CNTNAP3: variants seen among roughly 807,000 people sequenced by gnomAD.
CNTNAP3 encodes the protein contactin-associated protein-like 3.
CNTNAP3 carries 36 observed loss-of-function variants against 92.1 expected under a neutral mutation model. The ratio of observed to expected loss-of-function variants is 0.39; its 90% CI spans 0.30 to 0.52. The LOEUF is 0.52. Among genes scored for constraint, CNTNAP3 ranks in the 20% least tolerant of loss-of-function variants. The pLI, the probability that CNTNAP3 is intolerant of heterozygous loss-of-function variation, is 0.76. For missense variants in CNTNAP3, 534 were observed against 1,069.6 expected (o/e 0.50, Z 6.98); for synonymous variants, 232 against 422.3 (o/e 0.55, Z 5.53).
rs1564065478 is a variant in CNTNAP3 at position 39,073,601 on chromosome 9, C to CG, written c.*288dup. ...GCAGTTTTGGAAGAGAGCCTTTGGACGGGGAAACTACTGAACAGTGATGAA... is the reference window on the plus strand; with the variant it reads ...GCAGTTTTGGAAGAGAGCCTTTGGACGGGGGAAACTACTGAACAGTGATGAA... On this transcript the variant is annotated 3_prime_UTR_variant, in exon 24 of 24. Transcript: ENST00000297668. 1.7e-6 allele frequency: 1 copy of CG among 592,308 alleles called. No homozygotes were observed. Among genetic ancestry groups the CG allele is most frequent in the African/African-American group, 1.9e-5 (1 of 53,744 alleles). The allele number at this position is 592,308 out of a possible 1,614,324, so 36.7% of individuals were successfully genotyped here.
At chr9:39,108,656 G>C (rs1826665861) in intron 15 of CNTNAP3, among the ~76,000 whole-genome samples, 1 of 152,154 alleles carries the variant, frequency 6.6e-6, no homozygotes, top group South Asian at 2.1e-4. Flanking sequence ...GGCTTATAGT[G>C]CCACTGAGGT....
In CNTNAP3 at chr9:39,087,659, T is replaced by C. The variant is rs1449363602; in HGVS notation, c.3220+764A>G. Among the ~76,000 whole-genome samples, 3 of 152,142 alleles carry C rather than the reference T, an allele frequency of 2.0e-5. 1 individual carries two copies. Among genetic ancestry groups the C allele is most frequent in the African/African-American group, 7.2e-5 (3 of 41,436 alleles). ...CCACCACCATGCCCGGCTCATTTTT[T>C]GTATTTTTAGTAGAGATGGGGTTTC... is the stretch of plus-strand genomic sequence containing the variant. On this transcript the variant is annotated intron_variant, in intron 19 of 23. Transcript: ENST00000297668.
chr9:39,122,795 G>T (rs1821062762), intron 13 of CNTNAP3, among the ~76,000 whole-genome samples: 1 of 152,124 alleles, frequency 6.6e-6, no homozygotes, highest in Non-Finnish European at 1.5e-5. Context: ...ATCAGATAAA[G>T]AATTTGAAAT....
At chr9:39,109,924 T>C (rs184263700) in intron 14 of CNTNAP3, among the ~76,000 whole-genome samples, 7,704 of 152,288 alleles carry the variant, frequency 0.051, 217 homozygotes, top group South Asian at 0.094. Context: ...AGAATATTAA[T>C]TTATCATTAT....
chr9:39,110,061 G>A (rs1207798525), intron 14 of CNTNAP3, among the ~76,000 whole-genome samples: 4 of 152,104 alleles, frequency 2.6e-5, no homozygotes, highest in Non-Finnish European at 5.9e-5. Flanking sequence ...AGACTAATGA[G>A]TGTGAAAGTG....
At chr9:39,241,401 GC>G (rs1217601870) in intron 2 of CNTNAP3, among the ~76,000 whole-genome samples, 1 of 9,682 alleles carries the variant, frequency 1.0e-4, no homozygotes, top group African/African-American at 1.4e-4. Context: ...TAAGGCAGCA[GC>G]CCCCATACAG....
rs57671707 is a variant in CNTNAP3, at chr9:39,143,668, AATC to A, written c.1756+569_1756+571del. 7.8e-3 allele frequency among the ~76,000 whole-genome samples: 1,186 copies of A among 152,274 alleles called. 12 individuals carry two copies. Among genetic ancestry groups the A allele is most frequent in the African/African-American group, 0.026 (1,068 of 41,554 alleles). ...ATACTTTTACACTTATTCACTTTAC[AATC>A]ATCATCACCACCACCAAAGAAAATC... On this transcript the variant is annotated intron_variant, in intron 11 of 23. Transcript: ENST00000297668.
At chr9:39,104,479 C>CAT (rs1315951026) in intron 15 of CNTNAP3, among the ~76,000 whole-genome samples, 2 of 86,334 alleles carry the variant, frequency 2.3e-5, no homozygotes, top group African/African-American at 1.1e-4. Context: ...CATACACATA[C>CAT]ACACACACAC....
Position 39,086,758 on chromosome 9 carries a change from G to C in CNTNAP3, c.3312C>G (p.His1104Gln). 1 of 1,610,802 alleles carries C rather than the reference G, an allele frequency of 6.2e-7. No homozygotes were observed. The change falls in exon 20 of 24, where the codon CAC becomes CAG. Residue 1104 changes from histidine (H) to glutamine (Q), a missense_variant. By Grantham distance (24) the His-to-Gln change is conservative. Transcript: ENST00000297668. The stretch of plus-strand genomic sequence containing the variant: ...CTTCTTCTCTGTTAATCTTCACTTG[G>C]TGAAGTTGCCCATCAGCCATGTTTT... ...DFKNMADGQL[H>Q]QVKINREEAV...
chr9:39,097,442 G>A (rs1826351842), intron 18 of CNTNAP3, among the ~76,000 whole-genome samples: 1 of 151,952 alleles, frequency 6.6e-6, no homozygotes, highest in Non-Finnish European at 1.5e-5. Flanking sequence ...TGCCTCTCCT[G>A]GTGGAGAAAC....
chr9:39,253,799 A>G lies in CNTNAP3; in HGVS notation c.196+13097T>C, dbSNP rs1822826362. Among the ~76,000 whole-genome samples the G allele has an allele frequency of 1.1e-4, 3 of 28,566 alleles. 1 individual carries two copies. The highest frequency in any genetic ancestry group is 2.9e-4 in the Non-Finnish European group (3 of 10,212). 18.7% of individuals were successfully genotyped at this position (28,566 alleles called of 152,430 possible). ...TAAGCATCTGAAACGTAGTGTGACA[A>G]TTTCATATATATTAATACTTTATAC... is the stretch of plus-strand genomic sequence containing the variant. On this transcript the variant is annotated intron_variant, in intron 2 of 23. Transcript: ENST00000297668.
At position 39,065,656 on chromosome 9, in the gene CNTNAP3, A is replaced by T. The variant is rs1825494475; in HGVS notation, c.*8234T>A. Reference sequence around the variant, plus strand: ...CGTGGTACTGACAATATTTTTAATCATAACCATTTTAGTGGGAAGAATAAC... The same window carrying T: ...CGTGGTACTGACAATATTTTTAATCTTAACCATTTTAGTGGGAAGAATAAC... On this transcript the variant is annotated 3_prime_UTR_variant, in exon 24 of 24. Coordinates refer to ENST00000297668, the MANE Select transcript of CNTNAP3 (RefSeq NM_033655.5). Among the ~76,000 whole-genome samples the T allele has an allele frequency of 6.6e-6, 1 of 152,236 alleles. No individual in the cohort carries two copies. The highest frequency in any genetic ancestry group is 1.5e-5 in the Non-Finnish European group (1 of 68,034).
intron 15 of CNTNAP3, among the ~76,000 whole-genome samples, chr9:39,105,872 A>G (rs562653810): frequency 7.1e-6 from 1 of 141,040 alleles, no homozygotes; most frequent in Admixed American, 6.8e-5. Flanking sequence ...TCTCTCTCAC[A>G]CACACAGTCT....
intron 12 of CNTNAP3, among the ~76,000 whole-genome samples, chr9:39,138,614 T>C (rs183592781): frequency 6.6e-6 from 1 of 152,294 alleles, no homozygotes; most frequent in East Asian, 1.9e-4. Context: ...AGGAGATTTT[T>C]CTCCAACATT....
intron 14 of CNTNAP3, among the ~76,000 whole-genome samples, chr9:39,113,112 C>A (rs533236388): frequency 6.6e-6 from 1 of 152,056 alleles, no homozygotes; most frequent in South Asian, 2.1e-4. Flanking sequence ...CTTAGCAGCA[C>A]CCTGATTTCT....
At chr9:39,145,744 G>A (rs997062558) in intron 10 of CNTNAP3, among the ~76,000 whole-genome samples, 4 of 138,476 alleles carry the variant, frequency 2.9e-5, no homozygotes, top group African/African-American at 1.0e-4. Context: ...TAGGGGCCAT[G>A]AGAATCACAA....
Position 39,276,564 on chromosome 9 carries a change from A to C in CNTNAP3, c.86-9558T>G, listed in dbSNP as rs1386763840. Among the ~76,000 whole-genome samples, 43 of 30,868 alleles carry C rather than the reference A, an allele frequency of 1.4e-3. 9 individuals are homozygous for C. The highest frequency in any genetic ancestry group is 2.4e-3 in the Admixed American group (4 of 1,702). The allele number at this position is 30,868 out of a possible 152,430, so 20.3% of individuals were successfully genotyped here. On this transcript the variant is annotated intron_variant, in intron 1 of 23. Transcript: ENST00000297668. ...AATGTAAAAGAACAGAAATTATAAC[A>C]AACTGTCTCTCAGACCACAGTGCAA...
intron 9 of CNTNAP3, chr9:39,159,146 G>A (rs1197132856): frequency 6.7e-6 from 1 of 149,446 alleles, no homozygotes; most frequent in East Asian, 1.9e-4. Flanking sequence ...TCAGGTCAAA[G>A]GGGACTTTGG....
chr9:39,159,669 T>TAGATAGAC (rs1554651778), intron 9 of CNTNAP3: 5 of 142,758 alleles, frequency 3.5e-5, no homozygotes, highest in Admixed American at 2.1e-4. Context: ...GATAGATAGA[T>TAGATAGAC]AGATATATGT....
Sources: allele counts gnomAD v4.1 joint callset (sites outside exome capture counted in the v4.1 genomes callset), GRCh38; gene constraint gnomAD v4.1.1; transcripts MANE v1.5; gene names NCBI Gene and HGNC (gene_info 2026-07-23, HGNC 2026-07-21).